The following PDS5A variants were observed in gnomAD, a reference collection of about 807,000 sequenced individuals.
PDS5A encodes the protein sister chromatid cohesion protein PDS5 homolog A.
A neutral mutation model predicts 167.1 loss-of-function variants in PDS5A; 42 were observed. That is an observed-to-expected ratio of 0.25 (90% CI 0.20 to 0.33). The LOEUF (loss-of-function observed/expected upper bound fraction) is 0.33, where lower values mean the gene tolerates loss of function less well. Ranked by LOEUF, PDS5A falls within the 10% of genes least tolerant of loss-of-function variation. PDS5A has a pLI of 1.00. For synonymous variants in PDS5A, 553 were observed against 554.6 expected, an observed-to-expected ratio of 1.00 and a Z score of 0.04; for missense variants, 1,033 against 1,605.9, an observed-to-expected ratio of 0.64 and a Z score of 6.10.
chr4:39,872,266 T>C (rs1315310861), intron 21 of PDS5A, among the ~76,000 whole-genome samples: 1 of 150,724 alleles, frequency 6.6e-6, no homozygotes, highest in Non-Finnish European at 1.5e-5. Flanking sequence ...AACCTCTGCC[T>C]TCTGGGTTCA....
chr4:39,932,516 G>T, intron 2 of PDS5A: 1 of 224,344 alleles, frequency 4.5e-6, no homozygotes, highest in South Asian at 8.4e-5. Flanking sequence ...ATGTCAAACT[G>T]GTATCTTCCG....
chr4:39,943,090 T>TC (rs1309310209), intron 2 of PDS5A, among the ~76,000 whole-genome samples: 1 of 150,572 alleles, frequency 6.6e-6, no homozygotes, highest in African/African-American at 2.4e-5. Context: ...CAGAAATGCC[T>TC]CCAAAATTTG....
chr4:39,859,664 C>T (rs1256458915), intron 26 of PDS5A, among the ~76,000 whole-genome samples: 3 of 152,136 alleles, frequency 2.0e-5, no homozygotes, highest in Non-Finnish European at 4.4e-5. Context: ...CCACCCTGGT[C>T]TCCTAAACTG....
chr4:39,904,249 A>G (rs1412163089), intron 11 of PDS5A, 58 bp from the exon 12 acceptor site: 2 of 1,270,204 alleles, frequency 1.6e-6, no homozygotes, highest in Non-Finnish European at 2.2e-6. Flanking sequence ...ACTAATCTCC[A>G]AAGACTGCCT....
Position 39,849,528 on chromosome 4 carries a change from T to C in PDS5A, c.3211A>G (p.Thr1071Ala). Residue 1071 changes from threonine (T) to alanine (A), a missense_variant, in exon 27 of 33, where the codon ACA becomes GCA. Coordinates refer to ENST00000303538, the MANE Select transcript of PDS5A (RefSeq NM_001100399.2). ...RDAQSPDESK[T>A]NEKLYTVCDV... ...CCTAACACTCATCTTACTTCATTTG[T>C]CTTGGATTCATCTGGAGACTGGGCA... is the stretch of plus-strand genomic sequence containing the variant. 5 of 1,611,248 alleles carry C rather than the reference T, an allele frequency of 3.1e-6. No homozygotes were observed. Among genetic ancestry groups the C allele is most frequent in the Non-Finnish European group, 4.2e-6 (5 of 1,177,622 alleles).
At chr4:39,943,758 G>C (rs1306303161) in intron 2 of PDS5A, among the ~76,000 whole-genome samples, 2 of 151,936 alleles carry the variant, frequency 1.3e-5, no homozygotes, top group Non-Finnish European at 2.9e-5. Flanking sequence ...AGTGAGCCGA[G>C]ATCGTATCAC....
At chr4:39,941,143 T>C (rs994550419) in intron 2 of PDS5A, among the ~76,000 whole-genome samples, 24 of 152,380 alleles carry the variant, frequency 1.6e-4, no homozygotes, top group African/African-American at 5.0e-4. Context: ...TCTTACATTT[T>C]ACTTGCTTAT....
intron 2 of PDS5A, among the ~76,000 whole-genome samples, chr4:39,930,718 T>C (rs1357485404): frequency 2.0e-5 from 3 of 152,266 alleles, no homozygotes; most frequent in Middle Eastern, 3.4e-3. Context: ...CCTCTTTTTT[T>C]CTAACATAGT....
intron 32 of PDS5A, chr4:39,837,000 T>TC (rs1002304953): frequency 4.1e-5 from 6 of 146,070 alleles, no homozygotes; most frequent in African/African-American, 1.0e-4. Context: ...TTTTTTTTTT[T>TC]TTTTTTTTTT....
chr4:39,902,254 G>C, intron 13 of PDS5A, 93 bp downstream of exon 13: 1 of 596,552 alleles, frequency 1.7e-6, no homozygotes, highest in Non-Finnish European at 3.0e-6. Flanking sequence ...TATAGAAGCA[G>C]CAACAATCCA....
intron 32 of PDS5A, among the ~76,000 whole-genome samples, chr4:39,833,653 G>T (rs1468871004): frequency 1.3e-5 from 2 of 152,172 alleles, no homozygotes; most frequent in Non-Finnish European, 1.5e-5. Flanking sequence ...GCCTCCCAAA[G>T]TGGTAGGATT....
intron 2 of PDS5A, among the ~76,000 whole-genome samples, chr4:39,942,791 T>C (rs1473605385): frequency 6.6e-6 from 1 of 152,064 alleles, no homozygotes; most frequent in African/African-American, 2.4e-5. Flanking sequence ...ATGAAGCAAT[T>C]ATTTTACAGC....
chr4:39,898,221 G>T, intron 16 of PDS5A, 168 bp downstream of exon 16: 1 of 1,290,698 alleles, frequency 7.7e-7, no homozygotes. Flanking sequence ...GTGGCTGAGA[G>T]TGAATGGTAA....
At chr4:39,908,086 A>G (rs1297160861) in intron 11 of PDS5A, among the ~76,000 whole-genome samples, 2 of 152,238 alleles carry the variant, frequency 1.3e-5, no homozygotes, top group Non-Finnish European at 2.9e-5. Flanking sequence ...TAGACGATCA[A>G]TCACTATTCT....
intron 23 of PDS5A, among the ~76,000 whole-genome samples, chr4:39,864,687 A>T (rs889995734): frequency 1.1e-4 from 16 of 152,208 alleles, no homozygotes; most frequent in African/African-American, 3.6e-4. Context: ...GGAGCCTCAA[A>T]TGGTTTCTAT....
intron 8 of PDS5A, among the ~76,000 whole-genome samples, chr4:39,915,471 C>T (rs1724289493): frequency 6.6e-6 from 1 of 151,434 alleles, no homozygotes; most frequent in African/African-American, 2.4e-5. Context: ...GCCATCCTCC[C>T]ACCTCAGCCT....
intron 26 of PDS5A, among the ~76,000 whole-genome samples, chr4:39,850,274 A>ATC (rs1352231976): frequency 6.6e-6 from 1 of 150,462 alleles, no homozygotes; most frequent in Admixed American, 6.6e-5. Flanking sequence ...TCTCTCTCAA[A>ATC]AAAAAAAAAA....
At chr4:39,948,206 G>A (rs1467591783) in intron 2 of PDS5A, among the ~76,000 whole-genome samples, 11 of 68,618 alleles carry the variant, frequency 1.6e-4, no homozygotes, top group African/African-American at 2.2e-4. Flanking sequence ...AAGATATCCC[G>A]TCTCAAAAAA....
At position 39,904,045 on chromosome 4, in the gene PDS5A, G is replaced by A. The variant is rs751005319; in HGVS notation, c.1380C>T (p.Asp460=). ...TACCAACATATTAAACTCACTTGTC[G>A]TCAATGCTGTTCTGATAATAAATAT... ...LLHIYYQNSI[D]DKLLVEKIFA... is the part of the protein sequence containing the mutation. Residue 460 remains aspartate, a synonymous_variant, in exon 12 of 33, where the codon GAC becomes GAT. Transcript: ENST00000303538. 34 of 1,588,620 alleles carry A rather than the reference G, an allele frequency of 2.1e-5. No homozygotes were observed. Among genetic ancestry groups the A allele is most frequent in the South Asian group, 8.1e-5 (7 of 86,032 alleles).
Sources: allele counts gnomAD v4.1 joint callset (sites outside exome capture counted in the v4.1 genomes callset), GRCh38; gene constraint gnomAD v4.1.1; transcripts MANE v1.5; gene names NCBI Gene and HGNC (gene_info 2026-07-23, HGNC 2026-07-21).